PDE1A: variants seen among roughly 807,000 people sequenced by gnomAD.
PDE1A encodes phosphodiesterase 1A.
A neutral mutation model predicts 61.7 loss-of-function variants in PDE1A; 35 were observed. That is an observed-to-expected ratio of 0.57 (90% confidence interval 0.43 to 0.75). The LOEUF (loss-of-function observed/expected upper bound fraction) is 0.75, where lower values mean the gene tolerates loss of function less well. Among genes scored for constraint, PDE1A ranks in the 30% least tolerant of loss-of-function variants. The pLI is 0.00. For synonymous variants in PDE1A, 232 were observed against 213.2 expected, an observed-to-expected ratio of 1.09 and a Z score of -0.77; for missense variants, 597 against 630.6, an observed-to-expected ratio of 0.95 and a Z score of 0.57.
At position 182,246,401 on chromosome 2, in the gene PDE1A, C is replaced by CTTTTTT. The variant is rs761118177; in HGVS notation, c.168-6110_168-6109insAAAAAA. The stretch of plus-strand genomic sequence containing the variant: ...TCTACTATAGTCTTTTTTCTTTTTT[C>CTTTTTT]TTTCTTTTTTTTTTTTTTTTTTGAC... On this transcript the variant is annotated intron_variant, in intron 2 of 13. Coordinates refer to ENST00000351439, the Ensembl canonical transcript of PDE1A. Among the ~76,000 whole-genome samples, 72 of 61,462 alleles carry CTTTTTT rather than the reference C, an allele frequency of 1.2e-3. 6 individuals are homozygous for CTTTTTT. Among genetic ancestry groups the CTTTTTT allele is most frequent in the Admixed American group, 1.8e-3 (11 of 6,112 alleles). 40.3% of individuals were successfully genotyped at this position (61,462 alleles called of 152,430 possible). A position where few individuals can be genotyped will look rare whatever the true frequency, so the allele number is the denominator to read the frequency against.
chr2:182,198,458 A>C (rs1686323975), intron 10 of PDE1A, among the ~76,000 whole-genome samples: 1 of 151,932 alleles, frequency 6.6e-6, no homozygotes, highest in Non-Finnish European at 1.5e-5. Flanking sequence ...TCAGTATTTC[A>C]TTGTGAAGTA....
chr2:182,177,690 A>G (rs968904676), intron 13 of PDE1A, among the ~76,000 whole-genome samples: 1 of 152,092 alleles, frequency 6.6e-6, no homozygotes, highest in Admixed American at 6.6e-5. Flanking sequence ...GAAGTCATGT[A>G]GCATGATGCC....
the PDE1A span, among the ~76,000 whole-genome samples, chr2:182,597,433 G>C: frequency 5.9e-5 from 9 of 152,276 alleles, no homozygotes; most frequent in Non-Finnish European, 1.0e-4. Context: ...AAGGCTGGAG[G>C]AAACAGAGAA....
the PDE1A span, among the ~76,000 whole-genome samples, chr2:182,664,591 C>T: frequency 1.5e-4 from 23 of 152,106 alleles, no homozygotes; most frequent in African/African-American, 5.5e-4. Flanking sequence ...TGCTAAGTAC[C>T]AAATACAGAA....
the PDE1A span, among the ~76,000 whole-genome samples, chr2:182,588,029 G>T: frequency 6.6e-5 from 10 of 152,318 alleles, no homozygotes; most frequent in East Asian, 1.9e-3. Flanking sequence ...ACAGAATGTG[G>T]TTTTGATATG....
intron 2 of PDE1A, among the ~76,000 whole-genome samples, chr2:182,515,954 CTGTGTG>C (rs201729102): frequency 0.036 from 4,678 of 130,486 alleles, 107 homozygotes; most frequent in African/African-American, 0.059. Context: ...GTGTGTGTTT[CTGTGTG>C]TGTGTGTGTG....
chr2:182,187,814 G>A (rs1411857005), intron 11 of PDE1A, among the ~76,000 whole-genome samples: 9 of 139,624 alleles, frequency 6.4e-5, no homozygotes, highest in Non-Finnish European at 1.2e-4. Flanking sequence ...GTGCAATCTC[G>A]GCTCACTGCA....
chr2:182,222,624 C>T (rs1376589166), intron 7 of PDE1A, among the ~76,000 whole-genome samples: 7 of 151,878 alleles, frequency 4.6e-5, no homozygotes, highest in Non-Finnish European at 8.8e-5. Flanking sequence ...TTAATAACAA[C>T]GAAACTTTAA....
chr2:182,368,008 G>A (rs552718881), intron 1 of PDE1A, among the ~76,000 whole-genome samples: 2 of 151,964 alleles, frequency 1.3e-5, no homozygotes, highest in African/African-American at 4.8e-5. Flanking sequence ...CAAAAGGAGA[G>A]AGGTTAATAT....
At chr2:182,419,722 C>T (rs547999264) in intron 1 of PDE1A, among the ~76,000 whole-genome samples, 8 of 152,266 alleles carry the variant, frequency 5.3e-5, no homozygotes, top group African/African-American at 1.9e-4. Flanking sequence ...TAGCAGTCTG[C>T]AGCTAGATCC....
intron 2 of PDE1A, among the ~76,000 whole-genome samples, chr2:182,478,298 C>T (rs886577439): frequency 3.3e-5 from 5 of 151,626 alleles, no homozygotes; most frequent in Non-Finnish European, 5.9e-5. Flanking sequence ...ATAAAACATC[C>T]ATTAGGTATT....
the PDE1A span, among the ~76,000 whole-genome samples, chr2:182,532,078 C>CAATCAAGATTA: frequency 6.6e-6 from 1 of 151,424 alleles, no homozygotes; most frequent in African/African-American, 2.4e-5. Context: ...CTGATGTGTA[C>CAATCAAGATTA]TACAACATGT....
the PDE1A span, among the ~76,000 whole-genome samples, chr2:182,570,912 T>A: frequency 6.6e-6 from 1 of 152,226 alleles, no homozygotes; most frequent in East Asian, 1.9e-4. Context: ...GACATCTCTT[T>A]GCTTTAATTT....
At chr2:182,283,144 G>A (rs1262278968) in intron 1 of PDE1A, among the ~76,000 whole-genome samples, 6 of 151,950 alleles carry the variant, frequency 3.9e-5, no homozygotes, top group South Asian at 4.1e-4. Context: ...CAATGTAATC[G>A]TTCCCAAGGA....
chr2:182,659,703 C>G, the PDE1A span, among the ~76,000 whole-genome samples: 1 of 152,294 alleles, frequency 6.6e-6, no homozygotes, highest in South Asian at 2.1e-4. Flanking sequence ...TGAGGAATCA[C>G]CAACCTTGGT....
chr2:182,646,578 G>A, the PDE1A span, among the ~76,000 whole-genome samples: 79 of 151,726 alleles, frequency 5.2e-4, no homozygotes, highest in African/African-American at 1.6e-3. Context: ...CCAGCTATTC[G>A]GAGGCTGAGG....
chr2:182,166,824 C>G (rs1324768062), downstream of PDE1A, among the ~76,000 whole-genome samples: 1 of 152,128 alleles, frequency 6.6e-6, no homozygotes, highest in Non-Finnish European at 1.5e-5. Flanking sequence ...ATACATTATT[C>G]AATACTGGAC....
At chr2:182,476,871 T>G (rs1201446163) in intron 2 of PDE1A, among the ~76,000 whole-genome samples, 2 of 150,138 alleles carry the variant, frequency 1.3e-5, no homozygotes, top group Admixed American at 6.8e-5. Flanking sequence ...AGGTTTCAAT[T>G]TTTTACATGG....
intron 7 of PDE1A, among the ~76,000 whole-genome samples, chr2:182,212,572 G>A (rs1248245211): frequency 6.6e-6 from 1 of 152,234 alleles, no homozygotes; most frequent in Admixed American, 6.5e-5. Flanking sequence ...CCGTGCGCAA[G>A]CCGAAGCAGG....
Sources: allele counts gnomAD v4.1 joint callset (sites outside exome capture counted in the v4.1 genomes callset), GRCh38; gene constraint gnomAD v4.1.1; transcripts MANE v1.5; gene names NCBI Gene and HGNC (gene_info 2026-07-23, HGNC 2026-07-21).